ZHX1: variants seen among roughly 807,000 people sequenced by gnomAD.
The protein encoded by ZHX1 is zinc fingers and homeoboxes 1.
Under a neutral mutation model 61.8 loss-of-function variants are expected in ZHX1, and 20 were observed. The ratio of observed to expected loss-of-function variants is 0.32; its 90% CI spans 0.23 to 0.47. ZHX1 has a LOEUF of 0.47. ZHX1 is among the 20% of genes least tolerant of loss of function. ZHX1 has a pLI of 1.00. For missense variants in ZHX1, 800 were observed against 1,034.8 expected (o/e 0.77, Z 3.11); for synonymous variants, 318 against 352.6 (o/e 0.90, Z 1.10).
chr8:123,260,794 G>A (rs1201194376), intron 2 of ZHX1, among the ~76,000 whole-genome samples: 2 of 151,954 alleles, frequency 1.3e-5, no homozygotes, highest in East Asian at 2.0e-4. Flanking sequence ...GCAGGGGCGC[G>A]GTGCATCACT....
chr8:123,266,642 C>T (rs962042714), intron 2 of ZHX1, among the ~76,000 whole-genome samples: 2 of 151,918 alleles, frequency 1.3e-5, no homozygotes, highest in African/African-American at 4.8e-5. Flanking sequence ...ATATTTTTTA[C>T]GTCACACAGG....
chr8:123,255,117 G>A lies in ZHX1; in HGVS notation c.830C>T (p.Pro277Leu). Residue 277 changes from proline (P) to leucine (L), a missense_variant, in exon 3 of 4, where the codon CCC becomes CTC. By Grantham distance (98) the Pro-to-Leu change is moderately conservative. Transcript: ENST00000395571. ...VSAQQNSNLI[P>L]KVLIPVNSIP... ...GCTATTAACAGGGATTAAGACTTTG[G>A]GAATCAAATTAGAATTCTGCTGAGC... The A allele has an allele frequency of 6.2e-7, 1 of 1,614,152 alleles. No individual in the cohort carries two copies. The highest frequency in any genetic ancestry group is 8.5e-7 in the Non-Finnish European group (1 of 1,180,026).
chr8:123,271,866 T>C (rs1826665299), intron 1 of ZHX1, among the ~76,000 whole-genome samples: 1 of 152,150 alleles, frequency 6.6e-6, no homozygotes, highest in South Asian at 2.1e-4. Context: ...TCCGGTGAAA[T>C]AATAAGCTTA....
At position 123,255,525 on chromosome 8, in the gene ZHX1, T is replaced by C; in HGVS notation, c.422A>G (p.Gln141Arg). ...ATTTATTGTTTGTTCAAAGATTGTCTGGTTATTACGTTTCACCATAGTCAA... is the reference window on the plus strand; with the variant it reads ...ATTTATTGTTTGTTCAAAGATTGTCCGGTTATTACGTTTCACCATAGTCAA... ...FKLTMVKRNN[Q>R]TIFEQTINDL... Residue 141 changes from glutamine (Q) to arginine (R), a missense_variant, in exon 3 of 4, where the codon CAG (glutamine) becomes CGG (arginine). Coordinates refer to ENST00000395571, the MANE Select transcript of ZHX1 (RefSeq NM_007222.5). 13 of 1,613,476 alleles carry C rather than the reference T, an allele frequency of 8.1e-6. No individual in the cohort carries two copies. Among genetic ancestry groups the C allele is most frequent in the Non-Finnish European group, 1.1e-5 (13 of 1,179,978 alleles).
chr8:123,255,988 T>TCGAG lies in ZHX1; in HGVS notation c.-46_-43dup. On this transcript the variant is annotated 5_prime_UTR_variant, in exon 3 of 4. Coordinates refer to ENST00000395571, the MANE Select transcript of ZHX1 (RefSeq NM_007222.5). ...AAAGCTCAGTGGTGATTAAAAAGCA[T>TCGAG]CGAGGCTTAAAACTGTTCAGTGTTC... 6.5e-7 allele frequency: 1 copy of TCGAG among 1,540,102 alleles called. No homozygotes were observed. The highest frequency in any genetic ancestry group is 2.1e-5 in the Admixed American group (1 of 48,708).
At chr8:123,275,535 A>AT (rs111576456), upstream of ZHX1, 7,109 of 143,608 alleles carry the variant, frequency 0.05, 241 homozygotes, top group African/African-American at 0.1. Context: ...TGGAAGTCTG[A>AT]TTTTTTTTTT....
At position 123,254,670 on chromosome 8, in the gene ZHX1, A is replaced by G. The variant is rs777798392; in HGVS notation, c.1277T>C (p.Ile426Thr). The G allele has an allele frequency of 1.2e-6, 2 of 1,613,956 alleles. No homozygotes were observed. The highest frequency in any genetic ancestry group is 1.7e-5 in the Admixed American group (1 of 59,988). The change falls in exon 3 of 4, where the codon ATA becomes ACA. Residue 426 changes from isoleucine to threonine, a missense_variant. Coordinates refer to ENST00000395571, the MANE Select transcript of ZHX1 (RefSeq NM_007222.5). The surrounding 1 kb of genome is among the most constrained non-coding windows in gnomAD (Gnocchi z 4.1). ...AGCAGCAGGTACCTGACTTTTCTGTATATTATTTTGACTTGGAACGCCTGC... is the reference window on the plus strand; with the variant it reads ...AGCAGCAGGTACCTGACTTTTCTGTGTATTATTTTGACTTGGAACGCCTGC... ...TVAGVPSQNN[I>T]QKSQVPAAQP...
intron 1 of ZHX1, among the ~76,000 whole-genome samples, chr8:123,268,305 G>A (rs1298182803): frequency 1.3e-5 from 2 of 152,154 alleles, no homozygotes; most frequent in African/African-American, 4.8e-5. Context: ...TCAGTGCACT[G>A]TGAAGTATTA....
rs1826490074 is a variant in ZHX1, at chr8:123,267,313, G to A, written c.-266C>T. 6.5e-7 allele frequency: 1 copy of A among 1,529,120 alleles called. No individual in the cohort carries two copies. The highest frequency in any genetic ancestry group is 2.0e-5 in the Admixed American group (1 of 50,862). The allele number at this position is 1,529,120 out of a possible 1,614,324, so 94.7% of individuals were successfully genotyped here. A position where few individuals can be genotyped will look rare whatever the true frequency, so the allele number is the denominator to read the frequency against. ...TAGCATTCTGTTCTTTGAAATGGAA[G>A]GGTATCCCTTCTAGTTAGATGTTTA... On this transcript the variant is annotated 5_prime_UTR_variant, in exon 2 of 4. Transcript: ENST00000395571.
chr8:123,256,086 T>A lies in ZHX1; in HGVS notation c.-140A>T. ...TCAACAAGTCTCATTAGCAGCTTTC[T>A]CATGGTGCAATCAAGTAAAGAGCTT... On this transcript the variant is annotated 5_prime_UTR_variant, in exon 3 of 4. It introduces an in-frame stop codon into an upstream open reading frame of the 5' UTR. Transcript: ENST00000395571. 3.0e-6 allele frequency: 2 copies of A among 668,228 alleles called. No individual in the cohort carries two copies. Among genetic ancestry groups the A allele is most frequent in the Admixed American group, 3.6e-5 (1 of 27,988 alleles). The allele number at this position is 668,228 out of a possible 1,614,324, so 41.4% of individuals were successfully genotyped here. A position where few individuals can be genotyped will look rare whatever the true frequency, so the allele number is the denominator to read the frequency against.
chr8:123,261,858 G>A (rs1002428449), intron 2 of ZHX1, among the ~76,000 whole-genome samples: 1 of 151,918 alleles, frequency 6.6e-6, no homozygotes, highest in African/African-American at 2.4e-5. Context: ...CACAAAAATT[G>A]GATGAAAAAG....
Position 123,255,892 on chromosome 8 carries a change from C to T in ZHX1, c.55G>A (p.Asp19Asn). 1.2e-6 allele frequency: 2 copies of T among 1,614,004 alleles called. No homozygotes were observed. The highest frequency in any genetic ancestry group is 1.7e-6 in the Non-Finnish European group (2 of 1,179,974). Residue 19 changes from aspartate (D) to asparagine (N), a missense_variant, in exon 3 of 4, where the codon GAT becomes AAT. By Grantham distance (23) the Asp-to-Asn change is conservative. Coordinates refer to ENST00000395571, the MANE Select transcript of ZHX1 (RefSeq NM_007222.5). ...TPCMVLASEQ[D>N]PDLELISDLD... is the part of the protein sequence containing the mutation. The stretch of plus-strand genomic sequence containing the variant: ...TCTGATATCAACTCAAGGTCTGGAT[C>T]TTGTTCACTGGCAAGGACCATGCAA...
At chr8:123,267,246 A>C (rs1453420532) in intron 2 of ZHX1, 27 bp downstream of exon 2, 1 of 1,528,566 alleles carries the variant, frequency 6.5e-7, no homozygotes, top group Non-Finnish European at 8.8e-7. Flanking sequence ...TCTGAGTTTT[A>C]CCATACCAAA....
At position 123,253,899 on chromosome 8, in the gene ZHX1, T is replaced by C; in HGVS notation, c.2048A>G (p.Gln683Arg). The C allele has an allele frequency of 1.2e-6, 2 of 1,614,236 alleles. No homozygotes were observed. Among genetic ancestry groups the C allele is most frequent in the Non-Finnish European group, 1.7e-6 (2 of 1,180,032 alleles). Residue 683 changes from glutamine to arginine, a missense_variant, in exon 3 of 4, where the codon CAG becomes CGG. Coordinates refer to ENST00000395571, the MANE Select transcript of ZHX1 (RefSeq NM_007222.5). ...HMLKSAFVRTQWPSPEEYDKL... is the reference protein window; with the variant it reads ...HMLKSAFVRTRWPSPEEYDKL... ...GTCATACTCTTCTGGTGATGGCCAC[T>C]GTGTCCGGACAAATGCACTCTTAAG... is the stretch of plus-strand genomic sequence containing the variant.
intron 2 of ZHX1, among the ~76,000 whole-genome samples, chr8:123,264,567 T>A (rs1826389285): frequency 6.6e-6 from 1 of 151,984 alleles, no homozygotes; most frequent in Admixed American, 6.6e-5. Context: ...AAAACAAACT[T>A]TTTTTTCTTG....
chr8:123,260,777 G>A (rs1826224897), intron 2 of ZHX1, among the ~76,000 whole-genome samples: 1 of 151,866 alleles, frequency 6.6e-6, no homozygotes, highest in South Asian at 2.1e-4. Context: ...AGCACTTTGG[G>A]AAGCTGGCAG....
At chr8:123,269,517 A>G (rs1370784017) in intron 1 of ZHX1, among the ~76,000 whole-genome samples, 1 of 152,244 alleles carries the variant, frequency 6.6e-6, no homozygotes, top group Non-Finnish European at 1.5e-5. Flanking sequence ...TATATAATAA[A>G]ACAGAACAAG....
Position 123,255,111 on chromosome 8 carries a change from A to C in ZHX1, c.836T>G (p.Val279Gly). 1 of 1,614,186 alleles carries C rather than the reference A, an allele frequency of 6.2e-7. No individual in the cohort carries two copies. The highest frequency in any genetic ancestry group is 8.5e-7 in the Non-Finnish European group (1 of 1,180,018). ...GGGAATGCTATTAACAGGGATTAAG[A>C]CTTTGGGAATCAAATTAGAATTCTG... ...AQQNSNLIPK[V>G]LIPVNSIPTY... is the part of the protein sequence containing the mutation. Residue 279 changes from valine (V) to glycine (G), a missense_variant, in exon 3 of 4, where the codon GTC (valine) becomes GGC (glycine). Physicochemically the swap from Val to Gly is moderately radical, Grantham distance 109 (BLOSUM62 -3). Transcript: ENST00000395571.
chr8:123,265,161 C>A (rs1303087916), intron 2 of ZHX1, among the ~76,000 whole-genome samples: 1 of 149,502 alleles, frequency 6.7e-6, no homozygotes, highest in Non-Finnish European at 1.5e-5. Context: ...TGCACTCCAG[C>A]CTGGATGATA....
Sources: allele counts gnomAD v4.1 joint callset (sites outside exome capture counted in the v4.1 genomes callset), GRCh38; gene constraint gnomAD v4.1.1; non-coding constraint Gnocchi (gnomAD v3.1); transcripts MANE v1.5; gene names NCBI Gene and HGNC (gene_info 2026-07-23, HGNC 2026-07-21).